Variants in CDH2 observed in about 807,000 individuals in gnomAD.
CDH2 encodes cadherin 2.
In CDH2, 17 loss-of-function variants were observed where a neutral mutation model predicts 92.0. The ratio of observed to expected loss-of-function variants is 0.18; its 90% CI spans 0.13 to 0.28. CDH2 has a LOEUF of 0.28. Among genes scored for constraint, CDH2 ranks in the 10% least tolerant of loss-of-function variants. CDH2 has a pLI of 1.00. For synonymous variants in CDH2, 419 were observed against 415.9 expected, an observed-to-expected ratio of 1.01 and a Z score of -0.09; for missense variants, 862 against 1,133.1, an observed-to-expected ratio of 0.76 and a Z score of 3.44.
At chr18:27,999,189 C>G (rs2012683070) in intron 7 of CDH2, among the ~76,000 whole-genome samples, 1 of 152,068 alleles carries the variant, frequency 6.6e-6, no homozygotes, top group African/African-American at 2.4e-5. Context: ...TGCACAAGGA[C>G]TGTGTGTGGT....
intron 2 of CDH2, among the ~76,000 whole-genome samples, chr18:28,138,040 ATGTG>A (rs748336586): frequency 2.0e-5 from 3 of 150,080 alleles, no homozygotes; most frequent in African/African-American, 7.3e-5. Flanking sequence ...GTGTGTCTGG[ATGTG>A]TGTGTGTGTG....
At chr18:27,976,542 T>C (rs929534306) in intron 14 of CDH2, among the ~76,000 whole-genome samples, 1 of 152,216 alleles carries the variant, frequency 6.6e-6, no homozygotes, top group Admixed American at 6.5e-5. Flanking sequence ...TGGTATAAGA[T>C]ATGATAGACA....
At chr18:27,948,704 G>A (rs1364944879), downstream of CDH2, among the ~76,000 whole-genome samples, 2 of 151,890 alleles carry the variant, frequency 1.3e-5, no homozygotes, top group Non-Finnish European at 2.9e-5. Context: ...AATCAGAAAA[G>A]TCTAATTGTT....
chr18:28,064,934 A>C (rs983675154), intron 2 of CDH2, among the ~76,000 whole-genome samples: 19 of 152,112 alleles, frequency 1.2e-4, no homozygotes, highest in Non-Finnish European at 1.2e-4. Context: ...GAACTTCCCT[A>C]GCTTCATGAT....
At chr18:27,995,206 C>T (rs573242922) in intron 7 of CDH2, among the ~76,000 whole-genome samples, 9 of 145,622 alleles carry the variant, frequency 6.2e-5, no homozygotes, top group Non-Finnish European at 1.2e-4. Context: ...CCCAGCTACT[C>T]GGGAGGCTGA....
At chr18:28,001,774 T>A (rs1298741547) in intron 7 of CDH2, among the ~76,000 whole-genome samples, 2 of 152,254 alleles carry the variant, frequency 1.3e-5, no homozygotes, top group Non-Finnish European at 2.9e-5. Flanking sequence ...TGGCTCATAT[T>A]ACTTTATTGT....
intron 2 of CDH2, among the ~76,000 whole-genome samples, chr18:28,116,807 C>T (rs751776665): frequency 2.6e-5 from 4 of 152,068 alleles, no homozygotes; most frequent in African/African-American, 7.2e-5. Flanking sequence ...CTAAAGATAC[C>T]GGTGCTACCT....
At chr18:28,049,348 C>T (rs529319528) in intron 2 of CDH2, among the ~76,000 whole-genome samples, 2 of 152,200 alleles carry the variant, frequency 1.3e-5, no homozygotes, top group South Asian at 2.1e-4. Context: ...ATGGCTATTT[C>T]CAATTCATGT....
chr18:27,948,358 A>C (rs11564423), downstream of CDH2, among the ~76,000 whole-genome samples: 62,003 of 151,422 alleles, frequency 0.41, 14,009 homozygotes, highest in Middle Eastern at 0.57. Flanking sequence ...AATGTTTTAG[A>C]AAGTTAGATT....
chr18:28,173,457 C>T (rs1006062824), intron 1 of CDH2, among the ~76,000 whole-genome samples: 6 of 152,076 alleles, frequency 3.9e-5, no homozygotes, highest in African/African-American at 1.4e-4. Context: ...AGAATAAACA[C>T]GATTTACACT....
At chr18:28,070,509 A>C (rs917920631) in intron 2 of CDH2, among the ~76,000 whole-genome samples, 22 of 152,192 alleles carry the variant, frequency 1.4e-4, no homozygotes, top group African/African-American at 5.3e-4. Flanking sequence ...CGACCAACAC[A>C]AAAAGGAGAC....
chr18:28,075,911 C>A (rs963858943), intron 2 of CDH2, among the ~76,000 whole-genome samples: 1 of 152,144 alleles, frequency 6.6e-6, no homozygotes, highest in Non-Finnish European at 1.5e-5. Context: ...GGTAATTCTT[C>A]TTATTTACCC....
chr18:27,947,957 G>T (rs879028565), downstream of CDH2, among the ~76,000 whole-genome samples: 19 of 149,710 alleles, frequency 1.3e-4, no homozygotes, highest in African/African-American at 4.6e-4. Context: ...ATACGGTAAA[G>T]AATGCATTCC....
chr18:28,013,628 A>C, intron 3 of CDH2, 55 bp downstream of exon 3: 7 of 1,285,460 alleles, frequency 5.4e-6, no homozygotes, highest in Non-Finnish European at 6.8e-6. Context: ...TATTTAGTTC[A>C]AACTGTATAA....
At chr18:28,134,987 G>A (rs1189741965) in intron 2 of CDH2, among the ~76,000 whole-genome samples, 1 of 152,110 alleles carries the variant, frequency 6.6e-6, no homozygotes, top group East Asian at 1.9e-4. Context: ...TGGGCTGGAG[G>A]GAAAGGGCCC....
rs532679228 is a variant in CDH2, at chr18:28,083,246, T to C, written c.172+64427A>G. On this transcript the variant is annotated intron_variant, in intron 2 of 15. Transcript: ENST00000269141. ...TGCCTTGCCTGAATTTTGTATTTTA[T>C]TGTCCCAGTCCACCCTATGCTGAAG... Among the ~76,000 whole-genome samples the C allele has an allele frequency of 1.3e-3, 197 of 152,244 alleles. 1 individual carries two copies. The highest frequency in any genetic ancestry group is 4.6e-3 in the African/African-American group (191 of 41,550).
chr18:27,963,294 C>T, intron 15 of CDH2, 63 bp downstream of exon 15: 2 of 1,499,988 alleles, frequency 1.3e-6, no homozygotes, highest in African/African-American at 1.4e-5. Flanking sequence ...TTGTGGCCTA[C>T]AGAGATCTAA....
intron 2 of CDH2, among the ~76,000 whole-genome samples, chr18:28,043,461 AATATATATAT>A (rs1158754890): frequency 5.8e-4 from 42 of 71,964 alleles, no homozygotes; most frequent in Admixed American, 1.2e-3. Flanking sequence ...GATATAAATA[AATATATATAT>A]ATATATATAT....
At chr18:28,135,229 C>T (rs1360855461) in intron 2 of CDH2, among the ~76,000 whole-genome samples, 1 of 152,164 alleles carries the variant, frequency 6.6e-6, no homozygotes, top group Non-Finnish European at 1.5e-5. Flanking sequence ...AATAACCAAT[C>T]TAAATGGCAA....
Sources: allele counts gnomAD v4.1 joint callset (sites outside exome capture counted in the v4.1 genomes callset), GRCh38; gene constraint gnomAD v4.1.1; transcripts MANE v1.5; gene names NCBI Gene and HGNC (gene_info 2026-07-23, HGNC 2026-07-21).